The following RAB3IP variants were observed in gnomAD, a reference collection of about 807,000 sequenced individuals.
RAB3IP encodes RAB3A interacting protein, also known as rab-3A-interacting protein.
Under a neutral mutation model 59.1 loss-of-function variants are expected in RAB3IP, and 36 were observed. The observed-to-expected ratio is 0.61, with a 90% CI of 0.47 to 0.80. The LOEUF is 0.80. Among genes scored for constraint, RAB3IP ranks in the 30% least tolerant of loss-of-function variants. The pLI, the probability that RAB3IP is intolerant of heterozygous loss-of-function variation, is 0.00. For missense variants in RAB3IP, 511 were observed against 536.0 expected (o/e 0.95, Z 0.46); for synonymous variants, 207 against 191.2 (o/e 1.08, Z -0.68).
At chr12:69,741,528 G>A (rs948149987) in intron 1 of RAB3IP, among the ~76,000 whole-genome samples, 1 of 152,186 alleles carries the variant, frequency 6.6e-6, no homozygotes, top group Non-Finnish European at 1.5e-5. Flanking sequence ...TGAAGACGGT[G>A]ATACCAGCAT....
intron 4 of RAB3IP, among the ~76,000 whole-genome samples, chr12:69,785,180 T>A (rs1875434115): frequency 6.6e-6 from 1 of 152,168 alleles, no homozygotes; most frequent in South Asian, 2.1e-4. Context: ...CATGGGATGA[T>A]TTGAGAAATG....
intron 6 of RAB3IP, among the ~76,000 whole-genome samples, chr12:69,797,716 T>A (rs1565916585): frequency 1.3e-5 from 2 of 151,358 alleles, no homozygotes; most frequent in Non-Finnish European, 2.9e-5. Flanking sequence ...ATGTTCCCCT[T>A]CCTGTGTCCA....
chr12:69,770,629 C>T (rs1476226880), intron 3 of RAB3IP, among the ~76,000 whole-genome samples: 3 of 152,130 alleles, frequency 2.0e-5, no homozygotes, highest in Admixed American at 1.3e-4. Flanking sequence ...TGAAATACTG[C>T]AGTGATTAGT....
Position 69,821,549 on chromosome 12 carries a change from A to G in RAB3IP, c.*6103A>G, listed in dbSNP as rs568935930. On this transcript the variant is annotated 3_prime_UTR_variant, in exon 11 of 11. Coordinates refer to ENST00000247833, the MANE Select transcript of RAB3IP (RefSeq NM_022456.5). ...CCGCAGATCTCGGCACCAGGGTTGC[A>G]TCTTGTGGGCTCCATTGTGTTTTCA... 6.6e-6 allele frequency: 1 copy of G among 152,294 alleles called. No individual in the cohort carries two copies. The highest frequency in any genetic ancestry group is 6.5e-5 in the Admixed American group (1 of 15,296). The allele number at this position is 152,294 out of a possible 1,614,324, so 9.4% of individuals were successfully genotyped here.
chr12:69,756,427 C>G lies in RAB3IP; in HGVS notation c.274C>G (p.Pro92Ala), dbSNP rs1870230540. Residue 92 changes from proline (P) to alanine (A), a missense_variant, in exon 3 of 11, where the codon CCT becomes GCT. Physicochemically the swap from Pro to Ala is conservative, Grantham distance 27. Transcript: ENST00000247833. The part of the protein sequence containing the change: ...SISFHVTDPA[P>A]CSTSGVTAGL... ...CAGCTTTCATGTTACAGACCCAGCC[C>G]CTTGCTCTACCTCTGGAGTCACAGC... 6.2e-7 allele frequency: 1 copy of G among 1,613,862 alleles called. No homozygotes were observed. The highest frequency in any genetic ancestry group is 1.3e-5 in the African/African-American group (1 of 74,910).
At chr12:69,758,530 A>G (rs7978797) in intron 3 of RAB3IP, among the ~76,000 whole-genome samples, 52,236 of 151,912 alleles carry the variant, frequency 0.34, 9,219 homozygotes, top group Non-Finnish European at 0.37. Flanking sequence ...ATATTACTTT[A>G]CATCTGGTGT....
At position 69,795,200 on chromosome 12, in the gene RAB3IP, A is replaced by T. The variant is rs563461713; in HGVS notation, c.744A>T (p.Pro248=). ...ALKTLVLSSS[P]TSPTQEPLPG... ...AGACACTTGTATTGTCCAGTTCTCCAACATCACCTACGCAGGAGCCTTTGC... is the reference window on the plus strand; with the variant it reads ...AGACACTTGTATTGTCCAGTTCTCCTACATCACCTACGCAGGAGCCTTTGC... The change falls in exon 6 of 11, where the codon CCA becomes CCT. Residue 248 remains proline, a synonymous_variant. Coordinates refer to ENST00000247833, the MANE Select transcript of RAB3IP (RefSeq NM_022456.5). 1.0e-4 allele frequency: 167 copies of T among 1,614,080 alleles called. 2 individuals carry two copies. In the South Asian group the frequency reaches 1.6e-3, roughly 16 times the overall value.
chr12:69,755,766 G>A, intron 2 of RAB3IP, 107 bp downstream of exon 2: 1 of 889,930 alleles, frequency 1.1e-6, no homozygotes, highest in Non-Finnish European at 1.7e-6. Flanking sequence ...TAACTTAAGT[G>A]TGCCTAGGTA....
chr12:69,739,661 T>C (rs1328986636), intron 1 of RAB3IP: 1 of 634,922 alleles, frequency 1.6e-6, no homozygotes, highest in Non-Finnish European at 2.8e-6. Context: ...CGCGCCCAAG[T>C]AGGCAGCTCC....
At chr12:69,752,957 A>G (rs1295727796) in intron 1 of RAB3IP, among the ~76,000 whole-genome samples, 1 of 152,220 alleles carries the variant, frequency 6.6e-6, no homozygotes, top group Non-Finnish European at 1.5e-5. Context: ...AATAAATTTT[A>G]ATGGAGTATT....
intron 6 of RAB3IP, among the ~76,000 whole-genome samples, chr12:69,797,713 C>G (rs1320773033): frequency 1.3e-5 from 2 of 151,320 alleles, no homozygotes; most frequent in African/African-American, 2.4e-5. Flanking sequence ...GTGATGTTCC[C>G]CTTCCTGTGT....
chr12:69,739,867 A>G lies in RAB3IP; in HGVS notation c.-26+836A>G, dbSNP rs140573154. The stretch of plus-strand genomic sequence containing the variant: ...TTGTTATGGGATTAAAAAAGATGAA[A>G]GGGTAAGGTCTTGAAAGACACGAGC... On this transcript the variant is annotated intron_variant, in intron 1 of 10. Coordinates refer to ENST00000247833, the MANE Select transcript of RAB3IP (RefSeq NM_022456.5). 2.1e-4 allele frequency: 340 copies of G among 1,614,004 alleles called. 6 individuals are homozygous for G. The highest frequency in any genetic ancestry group is 9.9e-4 in the Middle Eastern group (6 of 6,062).
At chr12:69,748,577 T>C (rs1365650386) in intron 1 of RAB3IP, among the ~76,000 whole-genome samples, 2 of 152,232 alleles carry the variant, frequency 1.3e-5, no homozygotes, top group Non-Finnish European at 2.9e-5. Context: ...TCTTGTGGTC[T>C]GCAGTCTGCT....
intron 1 of RAB3IP, among the ~76,000 whole-genome samples, chr12:69,753,023 A>G (rs1869587821): frequency 1.3e-5 from 2 of 152,310 alleles, no homozygotes; most frequent in African/African-American, 2.4e-5. Flanking sequence ...TGAATATTTT[A>G]TGTGAAAAAA....
chr12:69,767,082 C>T (rs1350189844), intron 3 of RAB3IP, among the ~76,000 whole-genome samples: 3 of 152,236 alleles, frequency 2.0e-5, no homozygotes, highest in Non-Finnish European at 2.9e-5. Flanking sequence ...CCACTGGTTT[C>T]TCCTCATCTG....
intron 3 of RAB3IP, among the ~76,000 whole-genome samples, chr12:69,767,571 T>C (rs1872426196): frequency 6.6e-6 from 1 of 152,220 alleles, no homozygotes; most frequent in African/African-American, 2.4e-5. Flanking sequence ...GGGAATCCCC[T>C]TCAGCCCTAA....
At chr12:69,766,738 C>T (rs1397552415) in intron 3 of RAB3IP, among the ~76,000 whole-genome samples, 1 of 152,030 alleles carries the variant, frequency 6.6e-6, no homozygotes, top group Non-Finnish European at 1.5e-5. Flanking sequence ...GTTGGCCAGG[C>T]TGGTCTTGAA....
chr12:69,739,551 C>T (rs1469424927), intron 1 of RAB3IP: 2 of 488,328 alleles, frequency 4.1e-6, no homozygotes, highest in East Asian at 3.8e-5. Flanking sequence ...GTGTCCCAGT[C>T]TTAGGAAACT....
intron 3 of RAB3IP, among the ~76,000 whole-genome samples, chr12:69,769,098 C>T (rs1429358318): frequency 6.6e-6 from 1 of 152,076 alleles, no homozygotes; most frequent in Non-Finnish European, 1.5e-5. Flanking sequence ...TTGTCTGCCA[C>T]CATGTTAGAT....
Sources: allele counts gnomAD v4.1 joint callset (sites outside exome capture counted in the v4.1 genomes callset), GRCh38; gene constraint gnomAD v4.1.1; transcripts MANE v1.5; gene names NCBI Gene and HGNC (gene_info 2026-07-23, HGNC 2026-07-21).